The following CACNA1E variants were observed in gnomAD, a reference collection of about 807,000 sequenced individuals.
CACNA1E encodes the protein calcium voltage-gated channel subunit alpha1 E.
A neutral mutation model predicts 259.2 loss-of-function variants in CACNA1E; 40 were observed. That is an observed-to-expected ratio of 0.15 (90% CI 0.12 to 0.20). CACNA1E has a LOEUF of 0.20. CACNA1E is among the 10% of genes least tolerant of loss of function. The pLI, the probability that CACNA1E is intolerant of heterozygous loss-of-function variation, is 1.00. For missense variants in CACNA1E, 1,874 were observed against 3,040.1 expected (o/e 0.62, Z 9.02); for synonymous variants, 1,104 against 1,138.5 (o/e 0.97, Z 0.61).
chr1:181,570,319 C>T (rs996959491), intron 3 of CACNA1E, among the ~76,000 whole-genome samples: 3 of 152,136 alleles, frequency 2.0e-5, no homozygotes, highest in African/African-American at 2.4e-5. Context: ...CTTGACCACA[C>T]GCTTCTTCTG....
intron 1 of CACNA1E, among the ~76,000 whole-genome samples, chr1:181,337,013 T>A: frequency 6.9e-6 from 1 of 145,978 alleles, no homozygotes; most frequent in African/African-American, 2.5e-5. Context: ...TTTAATTTTC[T>A]TTATATCTAT....
chr1:181,591,616 A>T (rs76367483), intron 6 of CACNA1E, among the ~76,000 whole-genome samples: 5 of 152,218 alleles, frequency 3.3e-5, no homozygotes, highest in Admixed American at 6.5e-5. Context: ...TCATTTTTGT[A>T]AGTTTTATGC....
chr1:181,664,083 C>T (rs1647959317), intron 7 of CACNA1E, among the ~76,000 whole-genome samples: 2 of 152,168 alleles, frequency 1.3e-5, no homozygotes, highest in Admixed American at 1.3e-4. Context: ...TTGATTCCCA[C>T]AATAATCCTA....
In CACNA1E at chr1:181,732,352, C is replaced by A; in HGVS notation, c.2298-32C>A. 6.8e-7 allele frequency: 1 copy of A among 1,475,652 alleles called. No homozygotes were observed. Among genetic ancestry groups the A allele is most frequent in the Admixed American group, 2.6e-5 (1 of 38,524 alleles). The allele number at this position is 1,475,652 out of a possible 1,614,324, so 91.4% of individuals were successfully genotyped here. A position where few individuals can be genotyped will look rare whatever the true frequency, so the allele number is the denominator to read the frequency against. Reference sequence around the variant, plus strand: ...CCTCCCTGCCTGCAGCTTCTGGGCTCTGACCGCGGCCCTGCCCTTTCCCCT... The same window carrying A: ...CCTCCCTGCCTGCAGCTTCTGGGCTATGACCGCGGCCCTGCCCTTTCCCCT... On this transcript the variant is annotated intron_variant, in intron 19 of 47. Transcript: ENST00000367573. The surrounding 1 kb of genome is among the most constrained non-coding windows in gnomAD (Gnocchi z 5.5).
intron 1 of CACNA1E, among the ~76,000 whole-genome samples, chr1:181,391,941 C>CTGTG (rs1168690866): frequency 8.6e-6 from 1 of 116,842 alleles, no homozygotes; most frequent in African/African-American, 4.0e-5. Context: ...CTCTCTCTCT[C>CTGTG]TCTCTGTGTG....
At position 181,719,976 on chromosome 1, in the gene CACNA1E, C is replaced by T. The variant is rs72735230; in HGVS notation, c.1751+113C>T. 0.048 allele frequency: 36,250 copies of T among 749,688 alleles called. 1,089 individuals are homozygous for T. The highest frequency in any genetic ancestry group is 0.056 in the Admixed American group (1,962 of 35,226). 46.4% of individuals were successfully genotyped at this position (749,688 alleles called of 1,614,324 possible). ...CCCTTAGGGGGAAAGTATCCCTTCC[C>T]TGCCCCACCCCTTTTCTATTCTTTA... On this transcript the variant is annotated intron_variant, in intron 13 of 47. Coordinates refer to ENST00000367573, the MANE Select transcript of CACNA1E (RefSeq NM_001205293.3).
intron 3 of CACNA1E, among the ~76,000 whole-genome samples, chr1:181,554,311 G>T (rs975747660): frequency 1.3e-5 from 2 of 152,174 alleles, no homozygotes; most frequent in African/African-American, 2.4e-5. Context: ...ACTGCGCCCA[G>T]CCTGAATTTA....
chr1:181,426,883 C>T (rs112293943), intron 2 of CACNA1E, among the ~76,000 whole-genome samples: 44,910 of 127,430 alleles, frequency 0.35, 8,200 homozygotes, highest in African/African-American at 0.4. Flanking sequence ...CTTCACATCT[C>T]AACCCCTTCA....
intron 21 of CACNA1E, among the ~76,000 whole-genome samples, chr1:181,735,853 C>G (rs1292994981): frequency 6.6e-6 from 1 of 152,128 alleles, no homozygotes; most frequent in Non-Finnish European, 1.5e-5. Context: ...CCATCTGTAT[C>G]ATGGGAGTAA....
chr1:181,696,307 G>A (rs1158734721), intron 7 of CACNA1E, among the ~76,000 whole-genome samples: 1 of 151,928 alleles, frequency 6.6e-6, no homozygotes, highest in African/African-American at 2.4e-5. Flanking sequence ...TAGCACTTGG[G>A]TGTTTTGTGT....
At chr1:181,402,966 T>G (rs1463906682) in intron 1 of CACNA1E, among the ~76,000 whole-genome samples, 1 of 152,188 alleles carries the variant, frequency 6.6e-6, no homozygotes, top group Non-Finnish European at 1.5e-5. Flanking sequence ...AAGATAAAAG[T>G]ACTTACCCAA....
chr1:181,615,223 C>T (rs1655099535), intron 6 of CACNA1E, among the ~76,000 whole-genome samples: 1 of 152,204 alleles, frequency 6.6e-6, no homozygotes, highest in Admixed American at 6.5e-5. Context: ...TGGAGTCTCA[C>T]TCTGTCACCC....
chr1:181,359,692 T>C (rs1475012045), intron 1 of CACNA1E, among the ~76,000 whole-genome samples: 2 of 152,216 alleles, frequency 1.3e-5, no homozygotes. Context: ...CGAGCTTCCC[T>C]GGTCTTTTCT....
chr1:181,798,473 C>T lies in CACNA1E; in HGVS notation c.6581C>T (p.Pro2194Leu), dbSNP rs777710243. The T allele has an allele frequency of 1.2e-5, 19 of 1,613,878 alleles. No individual in the cohort carries two copies. Among genetic ancestry groups the T allele is most frequent in the Non-Finnish European group, 1.5e-5 (18 of 1,179,880 alleles). Residue 2194 changes from proline (P) to leucine (L), a missense_variant, in exon 48 of 48, where the codon CCG becomes CTG. Transcript: ENST00000367573. This position sits in a 1 kb window ranked among gnomAD's most constrained non-coding sequence, Gnocchi z 4.2. ...PPADGSEEGSPLTSQALESNN... is the reference protein window; with the variant it reads ...PPADGSEEGSLLTSQALESNN... Reference sequence around the variant, plus strand: ...GCTGATGGAAGCGAGGAGGGCTCCCCGCTGACCTCCCAAGCTCTGGAGAGC... The same window carrying T: ...GCTGATGGAAGCGAGGAGGGCTCCCTGCTGACCTCCCAAGCTCTGGAGAGC...
intron 6 of CACNA1E, among the ~76,000 whole-genome samples, chr1:181,583,313 A>C (rs918083849): frequency 6.6e-6 from 1 of 152,164 alleles, no homozygotes; most frequent in Non-Finnish European, 1.5e-5. Context: ...ATATAACTGT[A>C]TTGATTTTCC....
At chr1:181,493,136 A>G (rs1403242579) in intron 1 of CACNA1E, among the ~76,000 whole-genome samples, 3 of 152,228 alleles carry the variant, frequency 2.0e-5, no homozygotes, top group Non-Finnish European at 4.4e-5. Context: ...CCTGAAAAAT[A>G]CACATACAAT....
At chr1:181,475,843 A>G (rs988613948) in intron 2 of CACNA1E, among the ~76,000 whole-genome samples, 2 of 152,176 alleles carry the variant, frequency 1.3e-5, no homozygotes, top group Non-Finnish European at 2.9e-5. Flanking sequence ...CCCTAACTTC[A>G]TTGGACACCT....
intron 2 of CACNA1E, among the ~76,000 whole-genome samples, chr1:181,447,724 G>T (rs1660885204): frequency 6.6e-6 from 1 of 152,178 alleles, no homozygotes; most frequent in African/African-American, 2.4e-5. Flanking sequence ...GGCAGACTGT[G>T]TTCCTTTCTG....
At chr1:181,453,849 G>A (rs1311765840) in intron 2 of CACNA1E, among the ~76,000 whole-genome samples, 1 of 152,182 alleles carries the variant, frequency 6.6e-6, no homozygotes, top group East Asian at 1.9e-4. Context: ...AAATCTGTTT[G>A]ATTGCCAGTA....
Sources: gnomAD v4.1 joint callset for allele counts (sites outside exome capture counted in the v4.1 genomes callset) on GRCh38, gnomAD v4.1.1 for gene constraint, Gnocchi (gnomAD v3.1) non-coding constraint, MANE v1.5 for transcripts, NCBI Gene and HGNC (gene_info 2026-07-23, HGNC 2026-07-21) for gene names.